Variants in PALLD observed in about 807,000 individuals in gnomAD.
PALLD encodes the protein palladin, cytoskeletal associated protein, also known as palladin.
A neutral mutation model predicts 123.5 loss-of-function variants in PALLD; 61 were observed. The ratio of observed to expected loss-of-function variants is 0.49; its 90% CI spans 0.40 to 0.61. The LOEUF is 0.61. Among genes scored for constraint, PALLD ranks in the 20% least tolerant of loss-of-function variants. The pLI, the probability that PALLD is intolerant of heterozygous loss-of-function variation, is 0.00. For missense variants in PALLD, 1,273 were observed against 1,377.0 expected (o/e 0.92, Z 1.20); for synonymous variants, 465 against 496.4 (o/e 0.94, Z 0.84).
At chr4:168,900,172 G>C (rs1756186676) in intron 14 of PALLD, among the ~76,000 whole-genome samples, 1 of 152,124 alleles carries the variant, frequency 6.6e-6, no homozygotes, top group African/African-American at 2.4e-5. Flanking sequence ...CAAGGGGATG[G>C]TGCTAAACCA....
At chr4:168,569,892 G>A (rs1768796889) in intron 2 of PALLD, among the ~76,000 whole-genome samples, 1 of 152,014 alleles carries the variant, frequency 6.6e-6, no homozygotes, top group African/African-American at 2.4e-5. Flanking sequence ...ATACAATCAG[G>A]GGCTTGTGTC....
intron 10 of PALLD, among the ~76,000 whole-genome samples, chr4:168,860,441 G>A (rs1033910958): frequency 6.6e-6 from 1 of 152,224 alleles, no homozygotes; most frequent in Non-Finnish European, 1.5e-5. Flanking sequence ...TAGTAAAAGA[G>A]AGATGGGAGT....
rs74357067 is a variant in PALLD at position 168,877,977 on chromosome 4, C to T, written c.1965-12945C>T. 4 of 1,502,022 alleles carry T rather than the reference C, an allele frequency of 2.7e-6. No individual in the cohort carries two copies. Among genetic ancestry groups the T allele is most frequent in the Non-Finnish European group, 2.7e-6 (3 of 1,131,070 alleles). 93.0% of individuals were successfully genotyped at this position (1,502,022 alleles called of 1,614,324 possible). ...GCGCGCCCCAAGCAGTTCATCGCCG[C>T]GCAGAACCTCGGGCCCGCGTCGGGC... On this transcript the variant is annotated intron_variant, in intron 10 of 21. Transcript: ENST00000505667.
intron 3 of PALLD, among the ~76,000 whole-genome samples, chr4:168,678,773 ATGTG>A (rs35217582): frequency 1.3e-5 from 2 of 149,322 alleles, no homozygotes; most frequent in Non-Finnish European, 3.0e-5. Flanking sequence ...TCAGAGGGGT[ATGTG>A]TGTGTGTGTG....
At chr4:168,558,379 C>T (rs1049621338) in intron 2 of PALLD, among the ~76,000 whole-genome samples, 8 of 152,232 alleles carry the variant, frequency 5.3e-5, no homozygotes, top group Non-Finnish European at 1.0e-4. Context: ...AGTCAGGCGC[C>T]AGCCCTCTGG....
intron 2 of PALLD, among the ~76,000 whole-genome samples, chr4:168,621,749 C>G (rs1023735560): frequency 6.6e-6 from 1 of 152,166 alleles, no homozygotes; most frequent in Admixed American, 6.5e-5. Context: ...AGGTGTGACC[C>G]AAGGGGTCCA....
chr4:168,795,101 C>G (rs961555812), intron 10 of PALLD, among the ~76,000 whole-genome samples: 2 of 152,246 alleles, frequency 1.3e-5, no homozygotes, highest in Admixed American at 1.3e-4. Context: ...AGAGTTCCAC[C>G]CTTGTGACCT....
At chr4:168,570,355 G>T (rs1054618945) in intron 2 of PALLD, among the ~76,000 whole-genome samples, 3 of 152,112 alleles carry the variant, frequency 2.0e-5, no homozygotes, top group African/African-American at 7.2e-5. Context: ...TTTTGTCCTA[G>T]AAGTGGCATG....
At chr4:168,502,988 T>C (rs1761582039) in intron 1 of PALLD, among the ~76,000 whole-genome samples, 1 of 152,150 alleles carries the variant, frequency 6.6e-6, no homozygotes, top group South Asian at 2.1e-4. Context: ...AGCAAATCAG[T>C]CATCAGAACA....
intron 6 of PALLD, among the ~76,000 whole-genome samples, chr4:168,687,535 G>C (rs547494328): frequency 6.6e-6 from 1 of 152,222 alleles, no homozygotes; most frequent in Non-Finnish European, 1.5e-5. Flanking sequence ...GGGGGTGCCA[G>C]GGCCCAACAC....
At chr4:168,612,256 A>C (rs910309598) in intron 2 of PALLD, among the ~76,000 whole-genome samples, 2 of 32,282 alleles carry the variant, frequency 6.2e-5, no homozygotes, top group African/African-American at 3.0e-4. Context: ...TAGGTTTACA[A>C]AAAAAAAAAA....
intron 10 of PALLD, among the ~76,000 whole-genome samples, chr4:168,752,143 C>T (rs576353281): frequency 1.0e-3 from 153 of 152,290 alleles, no homozygotes; most frequent in African/African-American, 3.3e-3. Context: ...GAGGCCGAGG[C>T]GGGTGGATTG....
intron 2 of PALLD, among the ~76,000 whole-genome samples, chr4:168,595,232 C>T (rs991128672): frequency 6.6e-6 from 1 of 152,120 alleles, no homozygotes; most frequent in African/African-American, 2.4e-5. Flanking sequence ...TTAACAATAC[C>T]TGTTTATGTG....
chr4:168,718,539 T>TAAG lies in PALLD; in HGVS notation c.1964+6616_1964+6617insAAG, dbSNP rs1446934537. On this transcript the variant is annotated intron_variant, in intron 10 of 21. Coordinates refer to ENST00000505667, the MANE Select transcript of PALLD (RefSeq NM_001166108.2). ...CAGTTAGCTAGCCATTACTTTCATT[T>TAAG]CTTTTCAACTTAAATTTGTTTTTTC... Among the ~76,000 whole-genome samples the TAAG allele has an allele frequency of 2.0e-5, 3 of 152,234 alleles. No homozygotes were observed. The East Asian group carries it at 5.8e-4, about 29-fold the overall frequency.
At chr4:168,557,973 G>A (rs1405992217) in intron 2 of PALLD, among the ~76,000 whole-genome samples, 1 of 152,118 alleles carries the variant, frequency 6.6e-6, no homozygotes, top group Non-Finnish European at 1.5e-5. Flanking sequence ...GCTCTCTCTG[G>A]TCCTGGTGAT....
intron 2 of PALLD, among the ~76,000 whole-genome samples, chr4:168,665,689 G>A (rs142668199): frequency 6.7e-4 from 102 of 152,306 alleles, no homozygotes; most frequent in South Asian, 1.4e-3. Context: ...AAGTGCACAT[G>A]ATCACCTAGG....
chr4:168,846,175 T>A (rs909115468), intron 10 of PALLD, among the ~76,000 whole-genome samples: 1 of 152,216 alleles, frequency 6.6e-6, no homozygotes, highest in Non-Finnish European at 1.5e-5. Context: ...GCTTTACTAT[T>A]TTCATTCTTA....
At chr4:168,686,045 A>G (rs1468219305) in intron 6 of PALLD, among the ~76,000 whole-genome samples, 2 of 151,750 alleles carry the variant, frequency 1.3e-5, no homozygotes, top group African/African-American at 4.8e-5. Context: ...TTTAGAGAAA[A>G]TTATAAAACT....
chr4:168,859,917 T>C (rs530485013), intron 10 of PALLD, among the ~76,000 whole-genome samples: 2 of 152,252 alleles, frequency 1.3e-5, no homozygotes, highest in Non-Finnish European at 2.9e-5. Flanking sequence ...ATGTAAATAA[T>C]ATAAAAATTG....
Sources: gnomAD v4.1 joint callset for allele counts (sites outside exome capture counted in the v4.1 genomes callset) on GRCh38, gnomAD v4.1.1 for gene constraint, MANE v1.5 for transcripts, NCBI Gene and HGNC (gene_info 2026-07-23, HGNC 2026-07-21) for gene names.